Variants in ZNF385B observed in about 807,000 individuals in gnomAD.
The protein encoded by ZNF385B is zinc finger protein 533.
Under a neutral mutation model 39.2 loss-of-function variants are expected in ZNF385B, and 23 were observed. The ratio of observed to expected loss-of-function variants is 0.59; its 90% CI spans 0.42 to 0.83. ZNF385B has a LOEUF of 0.83. ZNF385B is among the 40% of genes least tolerant of loss of function. ZNF385B has a pLI of 0.00. For missense variants in ZNF385B, 552 were observed against 598.9 expected (o/e 0.92, Z 0.82); for synonymous variants, 205 against 222.6 (o/e 0.92, Z 0.70).
intron 5 of ZNF385B, among the ~76,000 whole-genome samples, chr2:179,505,514 G>A (rs977696843): frequency 2.0e-4 from 31 of 152,000 alleles, no homozygotes; most frequent in African/African-American, 7.0e-4. Context: ...AGATTTCATA[G>A]CTGTCCCTCA....
At chr2:179,462,983 C>A (rs1009854785) in intron 6 of ZNF385B, among the ~76,000 whole-genome samples, 3 of 151,880 alleles carry the variant, frequency 2.0e-5, no homozygotes, top group African/African-American at 7.3e-5. Flanking sequence ...ATTCTATATT[C>A]ATATGGATTA....
intron 3 of ZNF385B, among the ~76,000 whole-genome samples, chr2:179,546,061 G>C (rs1285375977): frequency 6.6e-6 from 1 of 151,512 alleles, no homozygotes; most frequent in South Asian, 2.1e-4. Flanking sequence ...TAAAGACAAG[G>C]TCTCACTCTG....
chr2:179,467,369 C>T (rs2052180852), intron 6 of ZNF385B, among the ~76,000 whole-genome samples: 1 of 152,180 alleles, frequency 6.6e-6, no homozygotes, highest in Admixed American at 6.5e-5. Context: ...AATGTCTCAT[C>T]TCAATTCCTC....
chr2:179,463,398 GA>G (rs1280291411), intron 6 of ZNF385B, among the ~76,000 whole-genome samples: 1 of 151,982 alleles, frequency 6.6e-6, no homozygotes, highest in Non-Finnish European at 1.5e-5. Flanking sequence ...TACATGTGCA[GA>G]ACGTGCAGTT....
At chr2:179,653,294 C>T (rs1424530389) in intron 3 of ZNF385B, among the ~76,000 whole-genome samples, 1 of 152,204 alleles carries the variant, frequency 6.6e-6, no homozygotes, top group Non-Finnish European at 1.5e-5. Context: ...CCGTGCACTA[C>T]TGCTGCACAG....
At chr2:179,854,091 T>C (rs16867042) in intron 1 of ZNF385B, among the ~76,000 whole-genome samples, 11,460 of 152,256 alleles carry the variant, frequency 0.075, 524 homozygotes, top group African/African-American at 0.1. Context: ...CCAGTATGTG[T>C]ATCTGTATAC....
intron 3 of ZNF385B, among the ~76,000 whole-genome samples, chr2:179,743,836 A>G (rs113749835): frequency 2.4e-4 from 36 of 152,272 alleles, no homozygotes; most frequent in African/African-American, 7.9e-4. Flanking sequence ...AAATGAGATG[A>G]TTGCATGAAA....
chr2:179,809,447 G>A (rs1575531667), intron 1 of ZNF385B, among the ~76,000 whole-genome samples: 1 of 152,008 alleles, frequency 6.6e-6, no homozygotes, highest in South Asian at 2.1e-4. Context: ...CATTAACATG[G>A]CAATCTAAAT....
In ZNF385B at chr2:179,831,186, A is replaced by G. The variant is rs563883614; in HGVS notation, c.-155+29915T>C. Among the ~76,000 whole-genome samples, 279 of 152,338 alleles carry G rather than the reference A, an allele frequency of 1.8e-3. 1 individual carries two copies. The highest frequency in any genetic ancestry group is 6.4e-3 in the African/African-American group (267 of 41,578). On this transcript the variant is annotated intron_variant, in intron 1 of 9. Transcript: ENST00000410066. ...TTTTCCAGGCAGTATCAGTAGTAAT[A>G]ATTATGATAATAATGATGATAGATA...
chr2:179,566,914 C>CTTTTTTTTTTT (rs372093398), intron 3 of ZNF385B, among the ~76,000 whole-genome samples: 8 of 131,616 alleles, frequency 6.1e-5, no homozygotes, highest in Non-Finnish European at 8.2e-5. Flanking sequence ...CTTTTCTTTT[C>CTTTTTTTTTTT]TTTTTTTTTT....
intron 5 of ZNF385B, among the ~76,000 whole-genome samples, chr2:179,508,316 G>T (rs1475213879): frequency 1.3e-5 from 2 of 152,152 alleles, no homozygotes; most frequent in Non-Finnish European, 2.9e-5. Flanking sequence ...ATTTTCAGCT[G>T]AAGAATCCCA....
At chr2:179,716,817 G>A (rs768107942) in intron 3 of ZNF385B, among the ~76,000 whole-genome samples, 2 of 152,140 alleles carry the variant, frequency 1.3e-5, no homozygotes, top group African/African-American at 2.4e-5. Flanking sequence ...AGGCCACCAT[G>A]CAGTAAGGAA....
chr2:179,783,176 C>T (rs13025875), intron 1 of ZNF385B, among the ~76,000 whole-genome samples: 58,836 of 151,820 alleles, frequency 0.39, 11,682 homozygotes, highest in East Asian at 0.6. Flanking sequence ...GAAATAAGGC[C>T]GTACACCTAC....
intron 3 of ZNF385B, among the ~76,000 whole-genome samples, chr2:179,710,010 T>A (rs75132502): frequency 0.038 from 5,754 of 152,252 alleles, 344 homozygotes; most frequent in African/African-American, 0.13. Flanking sequence ...CAGGAATGGA[T>A]GGAGGCCCTG....
At chr2:179,472,951 A>G (rs1371601483) in intron 6 of ZNF385B, among the ~76,000 whole-genome samples, 1 of 152,170 alleles carries the variant, frequency 6.6e-6, no homozygotes, top group Non-Finnish European at 1.5e-5. Flanking sequence ...AAACAAAGAA[A>G]AAGAGCTAAG....
chr2:179,456,061 A>C (rs901877807), intron 6 of ZNF385B, among the ~76,000 whole-genome samples: 9 of 152,178 alleles, frequency 5.9e-5, no homozygotes, highest in African/African-American at 1.9e-4. Context: ...ATATCTCGGA[A>C]TGTATCTGCA....
At chr2:179,524,291 G>A (rs538394200) in intron 4 of ZNF385B, among the ~76,000 whole-genome samples, 5 of 152,004 alleles carry the variant, frequency 3.3e-5, no homozygotes, top group African/African-American at 9.6e-5. Context: ...GGTGGCTGAC[G>A]CCTGCAATCC....
At chr2:179,602,594 GGTTT>G (rs1398148079) in intron 3 of ZNF385B, among the ~76,000 whole-genome samples, 3 of 151,928 alleles carry the variant, frequency 2.0e-5, no homozygotes, top group Non-Finnish European at 2.9e-5. Flanking sequence ...ACTACGCAAG[GGTTT>G]GTTTTTCTAT....
intron 4 of ZNF385B, among the ~76,000 whole-genome samples, chr2:179,534,958 T>G (rs2059469255): frequency 6.6e-6 from 1 of 152,194 alleles, no homozygotes; most frequent in Admixed American, 6.5e-5. Context: ...GTGATAGCAG[T>G]CATTCATAAT....
Sources: gnomAD v4.1 joint callset for allele counts (sites outside exome capture counted in the v4.1 genomes callset) on GRCh38, gnomAD v4.1.1 for gene constraint, MANE v1.5 for transcripts, NCBI Gene and HGNC (gene_info 2026-07-23, HGNC 2026-07-21) for gene names.